The following MED13L variants were observed in gnomAD, a reference collection of about 807,000 sequenced individuals.
MED13L encodes mediator of RNA polymerase II transcription subunit 13-like.
Under a neutral mutation model 220.9 loss-of-function variants are expected in MED13L, and 7 were observed. The ratio of observed to expected loss-of-function variants is 0.03; its 90% confidence interval spans 0.02 to 0.06. The LOEUF is 0.06. Ranked by LOEUF, MED13L falls within the 10% of genes least tolerant of loss-of-function variation. The pLI, the probability that MED13L is intolerant of heterozygous loss-of-function variation, is 1.00. For synonymous variants in MED13L, 1,011 were observed against 1,015.2 expected (o/e 1.00, Z 0.08); for missense variants, 1,965 against 2,760.5 (o/e 0.71, Z 6.46).
At chr12:116,101,626 A>T (rs952736962) in intron 3 of MED13L, among the ~76,000 whole-genome samples, 35 of 152,214 alleles carry the variant, frequency 2.3e-4, no homozygotes, top group Admixed American at 2.2e-3. Context: ...GACACTAAAA[A>T]ATGTTTAGTA....
At chr12:116,035,805 C>T (rs1881158700) in intron 4 of MED13L, among the ~76,000 whole-genome samples, 1 of 151,860 alleles carries the variant, frequency 6.6e-6, no homozygotes, top group African/African-American at 2.4e-5. Flanking sequence ...TGCCCAGGAT[C>T]GTCTCGAAGG....
intron 25 of MED13L, among the ~76,000 whole-genome samples, chr12:115,973,071 G>A (rs1342931281): frequency 6.6e-6 from 1 of 152,128 alleles, no homozygotes; most frequent in Non-Finnish European, 1.5e-5. Flanking sequence ...TCCCCTTAAA[G>A]AGCAAGTGAA....
intron 2 of MED13L, among the ~76,000 whole-genome samples, chr12:116,113,798 G>C (rs1341528983): frequency 1.3e-4 from 9 of 68,136 alleles, no homozygotes; most frequent in Non-Finnish European, 2.0e-4. Flanking sequence ...GGGGAAGAGG[G>C]AGAGGGGAGG....
At chr12:116,031,784 G>GA (rs1331388846) in intron 4 of MED13L, among the ~76,000 whole-genome samples, 1 of 147,736 alleles carries the variant, frequency 6.8e-6, no homozygotes. Context: ...AGGAAGGAAG[G>GA]AAGGAAGGAA....
chr12:116,113,385 C>T (rs1874244795), intron 2 of MED13L, among the ~76,000 whole-genome samples: 4 of 151,490 alleles, frequency 2.6e-5, no homozygotes, highest in Admixed American at 2.6e-4. Context: ...AGCTGTAATC[C>T]CAACATTTTG....
At chr12:116,102,883 A>C (rs889826773) in intron 3 of MED13L, among the ~76,000 whole-genome samples, 1 of 151,340 alleles carries the variant, frequency 6.6e-6, no homozygotes, top group Non-Finnish European at 1.5e-5. Flanking sequence ...CACCACGCCT[A>C]ATTTTTGTAT....
Position 116,172,107 on chromosome 12 carries a change from T to C in MED13L, c.311-60595A>G, listed in dbSNP as rs146593730. On this transcript the variant is annotated intron_variant, in intron 2 of 30. Transcript: ENST00000281928. Reference sequence around the variant, plus strand: ...CTAAAACTGCAGCTCATCATTCTGGTTCAAACAACTCAATGAAGATCCACT... The same window carrying C: ...CTAAAACTGCAGCTCATCATTCTGGCTCAAACAACTCAATGAAGATCCACT... Among the ~76,000 whole-genome samples, 296 of 152,252 alleles carry C rather than the reference T, an allele frequency of 1.9e-3. 1 individual carries two copies. Among genetic ancestry groups the C allele is most frequent in the African/African-American group, 6.8e-3 (283 of 41,556 alleles).
chr12:115,964,701 C>T (rs1876019286), intron 29 of MED13L, among the ~76,000 whole-genome samples: 1 of 152,062 alleles, frequency 6.6e-6, no homozygotes, highest in African/African-American at 2.4e-5. Context: ...AACAGAGCTG[C>T]CCCCTAAGAT....
intron 23 of MED13L, 145 bp from the exon 24 acceptor site, chr12:115,975,883 T>C (rs1454682626): frequency 8.2e-6 from 6 of 729,826 alleles, no homozygotes; most frequent in African/African-American, 3.5e-5. Context: ...TAGAGACACA[T>C]AAATAGTACT....
intron 4 of MED13L, among the ~76,000 whole-genome samples, chr12:116,077,302 A>G (rs1167370124): frequency 6.6e-6 from 1 of 152,156 alleles, no homozygotes; most frequent in Admixed American, 6.5e-5. Context: ...TCGGAAAGTT[A>G]TTTTACTCAC....
chr12:116,204,016 A>G (rs765072976), intron 2 of MED13L, among the ~76,000 whole-genome samples: 14 of 152,218 alleles, frequency 9.2e-5, no homozygotes, highest in Non-Finnish European at 2.1e-4. Flanking sequence ...GGTATCTGCA[A>G]AAGTGGGACT....
chr12:116,206,068 T>C, intron 2 of MED13L, among the ~76,000 whole-genome samples: 1 of 149,136 alleles, frequency 6.7e-6, no homozygotes, highest in East Asian at 2.0e-4. Context: ...ACTTAAGTAT[T>C]ATTACCTTTT....
chr12:116,185,919 C>A (rs1251184747), intron 2 of MED13L, among the ~76,000 whole-genome samples: 1 of 152,190 alleles, frequency 6.6e-6, no homozygotes, highest in African/African-American at 2.4e-5. Context: ...TGGTCTCGAA[C>A]TCCTGACCTC....
intron 2 of MED13L, among the ~76,000 whole-genome samples, chr12:116,201,371 G>T (rs200366933): frequency 6.6e-6 from 1 of 151,936 alleles, no homozygotes; most frequent in South Asian, 2.1e-4. Flanking sequence ...CCCTGAGATG[G>T]ATACATTTCC....
At chr12:116,259,341 A>G (rs914370700) in intron 1 of MED13L, among the ~76,000 whole-genome samples, 2 of 152,224 alleles carry the variant, frequency 1.3e-5, no homozygotes, top group Admixed American at 6.5e-5. Flanking sequence ...CAGAATGCAT[A>G]AACTGCGATA....
intron 1 of MED13L, among the ~76,000 whole-genome samples, chr12:116,238,103 T>C (rs1390170229): frequency 6.6e-6 from 1 of 152,252 alleles, no homozygotes; most frequent in Non-Finnish European, 1.5e-5. Context: ...TATGAAATAA[T>C]TTCTTTCAAA....
rs1226723260 is a variant in MED13L at position 116,008,921 on chromosome 12, A to G, written c.1492T>C (p.Cys498Arg). 3.7e-6 allele frequency: 6 copies of G among 1,614,124 alleles called. No individual in the cohort carries two copies. The highest frequency in any genetic ancestry group is 1.6e-4 in the Middle Eastern group (1 of 6,062). ...TGTCCTGGTGTATCTTGCTCCATGC[A>G]TAATTCTTCGGCCACAGAGGGCCTA... The part of the protein sequence containing the change: ...HHRPSVAEEL[C>R]MEQDTPGQKL... Residue 498 changes from cysteine to arginine, a missense_variant, in exon 10 of 31, where the codon TGC becomes CGC. By Grantham distance (180) the Cys-to-Arg change is radical (BLOSUM62 -3). Coordinates refer to ENST00000281928, the MANE Select transcript of MED13L (RefSeq NM_015335.5).
intron 4 of MED13L, among the ~76,000 whole-genome samples, chr12:116,080,896 T>G (rs766981655): frequency 1.3e-5 from 2 of 152,246 alleles, no homozygotes; most frequent in African/African-American, 4.8e-5. Context: ...TTGTACTTAG[T>G]AACTAGAACT....
At chr12:116,073,517 A>G (rs1170559649) in intron 4 of MED13L, among the ~76,000 whole-genome samples, 2 of 152,268 alleles carry the variant, frequency 1.3e-5, no homozygotes, top group South Asian at 2.1e-4. Context: ...TGAATGTAAA[A>G]GAGTGTAGAA....
Sources: allele counts gnomAD v4.1 joint callset (sites outside exome capture counted in the v4.1 genomes callset), GRCh38; gene constraint gnomAD v4.1.1; transcripts MANE v1.5; gene names NCBI Gene and HGNC (gene_info 2026-07-23, HGNC 2026-07-21).